TARBP1: variants seen among roughly 807,000 people sequenced by gnomAD.
TARBP1 encodes tRNA (guanosine(18)-2'-O)-methyltransferase TARBP1.
In TARBP1, 144 loss-of-function variants were observed where a neutral mutation model predicts 178.6. The observed-to-expected ratio is 0.81, with a 90% CI of 0.70 to 0.93. The LOEUF is 0.93. TARBP1 is among the 40% of genes least tolerant of loss of function. The pLI, the probability that TARBP1 is intolerant of heterozygous loss-of-function variation, is 0.00. For missense variants in TARBP1, 2,067 were observed against 2,011.7 expected (o/e 1.03, Z -0.53); for synonymous variants, 787 against 781.0 (o/e 1.01, Z -0.13).
At chr1:234,446,492 A>G (rs1666185708) in intron 12 of TARBP1, among the ~76,000 whole-genome samples, 1 of 152,086 alleles carries the variant, frequency 6.6e-6, no homozygotes, top group African/African-American at 2.4e-5. Context: ...ATGCATAAAT[A>G]TTTTTAAAAA....
At chr1:234,426,252 C>T (rs2103115337) in intron 19 of TARBP1, among the ~76,000 whole-genome samples, 1 of 152,326 alleles carries the variant, frequency 6.6e-6, no homozygotes, top group Admixed American at 6.5e-5. Flanking sequence ...GCACTGTGTG[C>T]TCTCAACACC....
At chr1:234,463,119 GTTTTTTTGT>G (rs1178862598) in intron 6 of TARBP1, among the ~76,000 whole-genome samples, 4 of 90,872 alleles carry the variant, frequency 4.4e-5, no homozygotes, top group East Asian at 1.6e-3. Flanking sequence ...TAAAACAAGT[GTTTTTTTGT>G]TTTTTTTGTT....
intron 24 of TARBP1, 60 bp downstream of exon 24, chr1:234,405,843 C>G (rs1481199819): frequency 5.3e-6 from 8 of 1,501,404 alleles, no homozygotes; most frequent in Non-Finnish European, 6.4e-6. Context: ...GGCACTGCCC[C>G]CTCCCTGTGG....
intron 12 of TARBP1, among the ~76,000 whole-genome samples, chr1:234,443,990 T>C (rs1375954432): frequency 1.3e-5 from 2 of 152,122 alleles, no homozygotes; most frequent in Non-Finnish European, 2.9e-5. Context: ...GTTTCACAGG[T>C]ACAGAGTTCC....
intron 12 of TARBP1, among the ~76,000 whole-genome samples, chr1:234,439,683 A>G (rs1665395018): frequency 6.6e-6 from 1 of 152,126 alleles, no homozygotes; most frequent in African/African-American, 2.4e-5. Context: ...AAAATTAGCC[A>G]GGCATGATGG....
At chr1:234,467,720 T>C (rs1571867962) in intron 3 of TARBP1, 70 bp from the exon 4 acceptor site, 1 of 1,379,384 alleles carries the variant, frequency 7.2e-7, no homozygotes, top group East Asian at 2.6e-5. Context: ...TACATACTCA[T>C]AAATAATGTA....
intron 12 of TARBP1, among the ~76,000 whole-genome samples, chr1:234,441,537 T>C (rs1356367319): frequency 6.6e-6 from 1 of 152,194 alleles, no homozygotes; most frequent in Non-Finnish European, 1.5e-5. Flanking sequence ...TAATTATTTG[T>C]CAACAATTTT....
chr1:234,429,573 G>A lies in TARBP1; in HGVS notation c.2714C>T (p.Thr905Ile). Residue 905 changes from threonine to isoleucine, a missense_variant, in exon 16 of 30, where the codon ACC becomes ATC. Coordinates refer to ENST00000040877, the MANE Select transcript of TARBP1 (RefSeq NM_005646.4). ...CLSFLLKKYH[T>I]LIPTTGSEIL... ...TTCACTCCCTGTGGTTGGTATAAGG[G>A]TGTGATATTTTTTCAACAGGAAAGA... is the stretch of plus-strand genomic sequence containing the variant. 1.9e-6 allele frequency: 3 copies of A among 1,614,156 alleles called. No homozygotes were observed. Among genetic ancestry groups the A allele is most frequent in the Non-Finnish European group, 2.5e-6 (3 of 1,180,032 alleles).
chr1:234,472,907 A>C, intron 1 of TARBP1, 96 bp from the exon 2 acceptor site: 1 of 895,916 alleles, frequency 1.1e-6, no homozygotes, highest in South Asian at 1.5e-5. Flanking sequence ...ACTATTACCA[A>C]ATGGATTCTC....
intron 9 of TARBP1, among the ~76,000 whole-genome samples, chr1:234,452,500 G>T (rs1666884814): frequency 6.6e-6 from 1 of 152,154 alleles, no homozygotes; most frequent in Non-Finnish European, 1.5e-5. Context: ...AGGGAATTTG[G>T]AATTACAACA....
intron 12 of TARBP1, among the ~76,000 whole-genome samples, chr1:234,442,170 C>G (rs888989937): frequency 6.6e-6 from 1 of 152,060 alleles, no homozygotes; most frequent in African/African-American, 2.4e-5. Flanking sequence ...CCTGTACGAC[C>G]TGGGGCTAAG....
intron 2 of TARBP1, 21 bp from the exon 3 acceptor site, chr1:234,471,278 A>G: frequency 6.8e-7 from 1 of 1,480,578 alleles, no homozygotes. Context: ...GAGCAAAAAA[A>G]TCATATGAAA....
chr1:234,441,610 C>T (rs567807983), intron 12 of TARBP1, among the ~76,000 whole-genome samples: 5 of 152,262 alleles, frequency 3.3e-5, no homozygotes, highest in South Asian at 4.1e-4. Context: ...AATAGTTTCT[C>T]GTACAGTCAC....
At position 234,478,487 on chromosome 1, in the gene TARBP1, G is replaced by GCCGCC. The variant is rs1669797719; in HGVS notation, c.612_616dup (p.Ala206GlyfsTer23). The GCCGCC allele has an allele frequency of 2.2e-6, 3 of 1,380,484 alleles. No individual in the cohort carries two copies. Among genetic ancestry groups the GCCGCC allele is most frequent in the Middle Eastern group, 2.7e-4 (1 of 3,748 alleles). The allele number at this position is 1,380,484 out of a possible 1,614,324, so 85.5% of individuals were successfully genotyped here. On this transcript the variant is annotated frameshift_variant, in exon 1 of 30. Coordinates refer to ENST00000040877, the MANE Select transcript of TARBP1 (RefSeq NM_005646.4). LOFTEE classifies it high-confidence loss of function. ...CAGCCCGCCCCACACGGCCCGCAGCGCCGCCCCGCCACATTGGACCAGCAC... is the reference window on the plus strand; with the variant it reads ...CAGCCCGCCCCACACGGCCCGCAGCGCCGCCCCGCCCCGCCACATTGGACCAGCAC...
At chr1:234,447,610 AT>A (rs962255286) in intron 11 of TARBP1, among the ~76,000 whole-genome samples, 2 of 152,074 alleles carry the variant, frequency 1.3e-5, no homozygotes, top group African/African-American at 2.4e-5. Flanking sequence ...CCCAGACTGG[AT>A]AACCAACTTC....
intron 25 of TARBP1, among the ~76,000 whole-genome samples, chr1:234,399,528 A>G (rs976520810): frequency 3.9e-5 from 6 of 152,186 alleles, no homozygotes; most frequent in Non-Finnish European, 5.9e-5. Context: ...CAGCCATCCC[A>G]TTACTGGGTA....
intron 6 of TARBP1, among the ~76,000 whole-genome samples, chr1:234,463,283 C>T (rs756366453): frequency 6.6e-6 from 1 of 152,036 alleles, no homozygotes. Context: ...ACCATCATGC[C>T]CGGATAATTT....
At chr1:234,472,952 TA>T in intron 1 of TARBP1, 141 bp from the exon 2 acceptor site, 1 of 693,466 alleles carries the variant, frequency 1.4e-6, no homozygotes, top group Non-Finnish European at 2.5e-6. Context: ...AGAGCCTGGA[TA>T]GGGGGCTTGG....
intron 12 of TARBP1, 76 bp downstream of exon 12, chr1:234,446,727 C>T (rs1012114484): frequency 5.8e-5 from 69 of 1,197,344 alleles, no homozygotes; most frequent in African/African-American, 2.8e-4. Context: ...TTTAAAAAGA[C>T]GGAAGTTTCC....
Sources: allele counts gnomAD v4.1 joint callset (sites outside exome capture counted in the v4.1 genomes callset), GRCh38; gene constraint gnomAD v4.1.1; transcripts MANE v1.5; gene names NCBI Gene and HGNC (gene_info 2026-07-23, HGNC 2026-07-21).